The following SLC35D1 variants were observed in gnomAD, a reference collection of about 807,000 sequenced individuals.
SLC35D1 encodes solute carrier family 35 member D1.
Under a neutral mutation model 46.7 loss-of-function variants are expected in SLC35D1, and 31 were observed. That is an observed-to-expected ratio of 0.66 (90% CI 0.50 to 0.90). The LOEUF (loss-of-function observed/expected upper bound fraction) is 0.90. Ranked by LOEUF, SLC35D1 falls within the 40% of genes least tolerant of loss-of-function variation. The pLI is 0.00. For synonymous variants in SLC35D1, 195 were observed against 164.6 expected, an observed-to-expected ratio of 1.18 and a Z score of -1.41; for missense variants, 397 against 426.2, an observed-to-expected ratio of 0.93 and a Z score of 0.60.
intron 10 of SLC35D1, among the ~76,000 whole-genome samples, chr1:67,016,975 C>T (rs1667698288): frequency 1.3e-5 from 2 of 152,114 alleles, no homozygotes; most frequent in South Asian, 2.1e-4. Context: ...CAAGGGACCT[C>T]GAGTTATTTT....
At chr1:66,973,610 T>G in the SLC35D1 span, among the ~76,000 whole-genome samples, 1 of 152,060 alleles carries the variant, frequency 6.6e-6, no homozygotes, top group Non-Finnish European at 1.5e-5. Context: ...CTTACAGATT[T>G]GTTTTGGGGC....
chr1:66,981,949 TC>T, the SLC35D1 span: 6 of 1,610,640 alleles, frequency 3.7e-6, no homozygotes, highest in East Asian at 1.3e-4. Flanking sequence ...TTCTCTTTCT[TC>T]ATAATAAGGG....
intron 11 of SLC35D1, chr1:67,008,511 C>A: frequency 1.6e-6 from 2 of 1,238,568 alleles, no homozygotes; most frequent in Non-Finnish European, 2.1e-6. Context: ...TGTTAGAATA[C>A]TGCAAATCTG....
chr1:67,031,177 AT>A (rs1332019530), intron 8 of SLC35D1, among the ~76,000 whole-genome samples: 1 of 152,208 alleles, frequency 6.6e-6, no homozygotes, highest in Non-Finnish European at 1.5e-5. Flanking sequence ...AAACAGAAAA[AT>A]AATTCTCATG....
At chr1:67,020,566 TC>T (rs1667776087) in intron 9 of SLC35D1, 119 bp from the exon 10 acceptor site, 2 of 744,964 alleles carry the variant, frequency 2.7e-6, no homozygotes. Context: ...CTATGAATTT[TC>T]CCCACCTCAC....
At chr1:66,983,830 TGA>T in the SLC35D1 span, among the ~76,000 whole-genome samples, 1 of 152,150 alleles carries the variant, frequency 6.6e-6, no homozygotes, top group South Asian at 2.1e-4. Context: ...TGGGTTCAAG[TGA>T]TTCTGCTGCC....
At chr1:67,004,813 A>G (rs1312654020) in intron 11 of SLC35D1, among the ~76,000 whole-genome samples, 2 of 152,210 alleles carry the variant, frequency 1.3e-5, no homozygotes, top group Non-Finnish European at 2.9e-5. Context: ...GGATGCTGAC[A>G]TTACAGGTAA....
chr1:67,053,623 G>T (rs535802674), intron 1 of SLC35D1, among the ~76,000 whole-genome samples, 188 bp downstream of exon 1: 6 of 152,046 alleles, frequency 3.9e-5, no homozygotes, highest in Admixed American at 6.5e-5. Flanking sequence ...GCGGACCCCT[G>T]CCACAGGCCC....
the SLC35D1 span, chr1:66,985,868 A>G: frequency 1.1e-6 from 1 of 898,480 alleles, no homozygotes; most frequent in Non-Finnish European, 1.3e-6. Context: ...GTAATTTGAG[A>G]ATTCTGAAAT....
chr1:66,997,586 CAGA>C (rs1558144841), downstream of SLC35D1, among the ~76,000 whole-genome samples: 6 of 125,198 alleles, frequency 4.8e-5, no homozygotes, highest in East Asian at 1.4e-3. Flanking sequence ...TATACACACA[CAGA>C]TATAGAGATG....
At chr1:67,052,729 G>T in intron 3 of SLC35D1, 42 bp downstream of exon 3, 1 of 1,592,640 alleles carries the variant, frequency 6.3e-7, no homozygotes, top group South Asian at 1.1e-5. Context: ...AATACATACT[G>T]ACTTCATTTC....
chr1:67,011,682 C>T (rs552826850), intron 10 of SLC35D1, among the ~76,000 whole-genome samples: 7 of 152,092 alleles, frequency 4.6e-5, no homozygotes, highest in African/African-American at 1.7e-4. Flanking sequence ...TGAAGTTTCA[C>T]CATGTTGCCC....
intron 10 of SLC35D1, among the ~76,000 whole-genome samples, chr1:67,011,023 T>C (rs962256353): frequency 2.0e-5 from 3 of 152,188 alleles, no homozygotes; most frequent in Admixed American, 2.0e-4. Context: ...CTCCAAGGGC[T>C]GCTACCTGTG....
chr1:67,014,669 A>AGT (rs1667642337), intron 10 of SLC35D1, among the ~76,000 whole-genome samples: 1 of 50,512 alleles, frequency 2.0e-5, no homozygotes, highest in Non-Finnish European at 3.7e-5. Context: ...TTCAATTTTT[A>AGT]GTTTTTTTTT....
At chr1:67,006,613 G>A (rs1194244391) in intron 11 of SLC35D1, among the ~76,000 whole-genome samples, 1 of 152,106 alleles carries the variant, frequency 6.6e-6, no homozygotes, top group African/African-American at 2.4e-5. Flanking sequence ...AGAAGACAAA[G>A]AATGTCCTGT....
intron 6 of SLC35D1, among the ~76,000 whole-genome samples, chr1:67,048,908 G>A (rs2815381): frequency 0.69 from 104,981 of 152,124 alleles, 36,475 homozygotes; most frequent in African/African-American, 0.77. Context: ...CAATGTTATT[G>A]TTCATTATTC....
chr1:66,999,151 G>A (rs1028086580), downstream of SLC35D1, among the ~76,000 whole-genome samples: 3 of 152,132 alleles, frequency 2.0e-5, no homozygotes, highest in South Asian at 2.1e-4. Context: ...GAAATACCCT[G>A]AAAACAGAAA....
downstream of SLC35D1, among the ~76,000 whole-genome samples, chr1:66,996,814 A>T (rs1667242633): frequency 6.6e-6 from 1 of 152,238 alleles, no homozygotes; most frequent in Non-Finnish European, 1.5e-5. Flanking sequence ...TATCAAAAAG[A>T]TGAATTCTAA....
intron 11 of SLC35D1, among the ~76,000 whole-genome samples, chr1:67,007,685 G>A (rs938452208): frequency 1.3e-5 from 2 of 152,166 alleles, no homozygotes; most frequent in African/African-American, 2.4e-5. Flanking sequence ...ATGAGTAAAC[G>A]CTTTGGAAAG....
Sources: gnomAD v4.1 joint callset for allele counts (sites outside exome capture counted in the v4.1 genomes callset) on GRCh38, gnomAD v4.1.1 for gene constraint, MANE v1.5 for transcripts, NCBI Gene and HGNC (gene_info 2026-07-23, HGNC 2026-07-21) for gene names.